RARB: variants seen among roughly 807,000 people sequenced by gnomAD.
The protein encoded by RARB is HBV-activated protein.
Under a neutral mutation model 51.9 loss-of-function variants are expected in RARB, and 17 were observed. The ratio of observed to expected loss-of-function variants is 0.33; its 90% CI spans 0.22 to 0.49. The LOEUF (loss-of-function observed/expected upper bound fraction) is 0.49. Among genes scored for constraint, RARB ranks in the 20% least tolerant of loss-of-function variants. RARB has a pLI of 0.99. For synonymous variants in RARB, 215 were observed against 195.4 expected, an observed-to-expected ratio of 1.10 and a Z score of -0.84; for missense variants, 369 against 550.8, an observed-to-expected ratio of 0.67 and a Z score of 3.30.
chr3:24,889,690 G>GTGTGTGTT (rs1443533737), intron 2 of RARB, among the ~76,000 whole-genome samples: 1 of 134,582 alleles, frequency 7.4e-6, no homozygotes, highest in Non-Finnish European at 1.6e-5. Flanking sequence ...GTGTGTGTGT[G>GTGTGTGTT]TGTGTGTGTG....
chr3:25,201,919 G>T (rs550031673), intron 5 of RARB, among the ~76,000 whole-genome samples: 153 of 152,020 alleles, frequency 1.0e-3, no homozygotes, highest in African/African-American at 3.6e-3. Flanking sequence ...CTTTCTGCCA[G>T]GCTTTGGTAT....
chr3:25,062,456 C>T (rs574883960), intron 3 of RARB, among the ~76,000 whole-genome samples: 1 of 151,916 alleles, frequency 6.6e-6, no homozygotes, highest in South Asian at 2.1e-4. Context: ...ATTCTATAAC[C>T]CAACTGCCTC....
At chr3:25,204,887 GA>G (rs1701496483) in intron 5 of RARB, among the ~76,000 whole-genome samples, 1 of 142,122 alleles carries the variant, frequency 7.0e-6, no homozygotes, top group African/African-American at 2.5e-5. Flanking sequence ...CCCACTTGAG[GA>G]GGCAGCCTGT....
intron 2 of RARB, among the ~76,000 whole-genome samples, chr3:25,024,135 G>A (rs1697695121): frequency 6.6e-6 from 1 of 152,130 alleles, no homozygotes; most frequent in African/African-American, 2.4e-5. Context: ...CCTAATCCCT[G>A]AGTCTCAAAT....
chr3:24,927,778 C>G (rs1466497736), intron 2 of RARB, among the ~76,000 whole-genome samples: 1 of 151,976 alleles, frequency 6.6e-6, no homozygotes, highest in Admixed American at 6.6e-5. Context: ...ATGACTGAAG[C>G]CGATTTTGGC....
chr3:25,461,486 T>C (rs931494698), intron 2 of RARB, 145 bp downstream of exon 2: 2 of 963,272 alleles, frequency 2.1e-6, no homozygotes, highest in African/African-American at 3.3e-5. Context: ...GTGGTTTTTA[T>C]TACTTCCTTA....
chr3:24,895,615 C>CT (rs11295596), intron 2 of RARB, among the ~76,000 whole-genome samples: 30 of 125,102 alleles, frequency 2.4e-4, no homozygotes, highest in South Asian at 1.6e-3. Flanking sequence ...ACAATTGGGT[C>CT]TTTTTTTTTT....
intron 2 of RARB, among the ~76,000 whole-genome samples, chr3:24,996,091 AC>A (rs1406031027): frequency 6.6e-6 from 1 of 151,982 alleles, no homozygotes; most frequent in Non-Finnish European, 1.5e-5. Flanking sequence ...TTGGTTCTGG[AC>A]TTTTCTTTGT....
intron 5 of RARB, among the ~76,000 whole-genome samples, chr3:25,391,087 A>G (rs1215712230): frequency 6.6e-6 from 1 of 152,102 alleles, no homozygotes; most frequent in Non-Finnish European, 1.5e-5. Flanking sequence ...TTATTGTATC[A>G]TTCTTATGCC....
At chr3:25,311,790 T>C (rs868519828) in intron 5 of RARB, among the ~76,000 whole-genome samples, 3 of 152,176 alleles carry the variant, frequency 2.0e-5, no homozygotes, top group Non-Finnish European at 4.4e-5. Context: ...GCACATATGG[T>C]ACATAGACAG....
intron 2 of RARB, among the ~76,000 whole-genome samples, chr3:25,052,247 G>A (rs575834646): frequency 6.6e-6 from 1 of 152,096 alleles, no homozygotes; most frequent in Non-Finnish European, 1.5e-5. Context: ...TGACAGAGAG[G>A]ATGCATCCCA....
chr3:25,164,790 C>T (rs962192748), intron 4 of RARB, among the ~76,000 whole-genome samples: 4 of 152,110 alleles, frequency 2.6e-5, no homozygotes, highest in Admixed American at 6.5e-5. Flanking sequence ...TTGACTATAG[C>T]AAGTATGCTG....
intron 5 of RARB, among the ~76,000 whole-genome samples, chr3:25,182,073 C>T (rs1285623040): frequency 7.2e-5 from 11 of 152,166 alleles, no homozygotes; most frequent in Non-Finnish European, 1.5e-4. Context: ...TTTGGAATTA[C>T]ATGTAGGTGT....
At position 25,422,731 on chromosome 3, in the gene RARB, CTAT is replaced by C. The variant is rs1707894310; in HGVS notation, c.179-38457_179-38455del. Among the ~76,000 whole-genome samples, 5 of 151,598 alleles carry C rather than the reference CTAT, an allele frequency of 3.3e-5. No homozygotes were observed. In the South Asian group the frequency reaches 1.0e-3, roughly 32 times the overall value. Reference sequence around the variant, plus strand: ...TAGATGAATAATATAATAAAAAGCCCTATTATTCTTCATGAGATACACAAGTTG... The same window carrying C: ...TAGATGAATAATATAATAAAAAGCCCTATTCTTCATGAGATACACAAGTTG... On this transcript the variant is annotated intron_variant, in intron 5 of 11. Coordinates refer to the RARB transcript ENST00000383772.
chr3:25,231,722 A>G (rs989319882), intron 5 of RARB, among the ~76,000 whole-genome samples: 1 of 152,120 alleles, frequency 6.6e-6, no homozygotes, highest in Admixed American at 6.6e-5. Context: ...CCTTCTTTGA[A>G]CAATCCATTC....
At chr3:25,152,830 G>A (rs897726206) in intron 4 of RARB, among the ~76,000 whole-genome samples, 1 of 152,158 alleles carries the variant, frequency 6.6e-6, no homozygotes, top group South Asian at 2.1e-4. Flanking sequence ...TTTGACCTAT[G>A]TGAACATCAA....
intron 4 of RARB, among the ~76,000 whole-genome samples, chr3:25,570,866 G>A (rs1200294614): frequency 6.6e-6 from 1 of 152,062 alleles, no homozygotes; most frequent in African/African-American, 2.4e-5. Context: ...GCACTTGCTG[G>A]CTTGGTGAAT....
intron 5 of RARB, among the ~76,000 whole-genome samples, chr3:25,275,591 A>G (rs1415624724): frequency 6.6e-6 from 1 of 152,254 alleles, no homozygotes; most frequent in Non-Finnish European, 1.5e-5. Flanking sequence ...AGAATCCTGC[A>G]TATTCAAGAA....
chr3:24,936,567 C>G (rs543238529), intron 2 of RARB, among the ~76,000 whole-genome samples: 1 of 152,218 alleles, frequency 6.6e-6, no homozygotes, highest in South Asian at 2.1e-4. Flanking sequence ...GATTAATTAG[C>G]AATAAAGCAA....
Sources: allele counts gnomAD v4.1 joint callset (sites outside exome capture counted in the v4.1 genomes callset), GRCh38; gene constraint gnomAD v4.1.1; transcripts MANE v1.5; gene names NCBI Gene and HGNC (gene_info 2026-07-23, HGNC 2026-07-21).